Variants in TGFBR3 observed in about 807,000 individuals in gnomAD.
TGFBR3 encodes transforming growth factor beta receptor 3, also known as transforming growth factor beta receptor type 3.
In TGFBR3, 46 loss-of-function variants were observed where a neutral mutation model predicts 87.9. The ratio of observed to expected loss-of-function variants is 0.52; its 90% CI spans 0.41 to 0.67. The LOEUF (loss-of-function observed/expected upper bound fraction) is 0.67, where lower values mean the gene tolerates loss of function less well. Among genes scored for constraint, TGFBR3 ranks in the 30% least tolerant of loss-of-function variants. The pLI is 0.00. For synonymous variants in TGFBR3, 381 were observed against 391.6 expected, an observed-to-expected ratio of 0.97 and a Z score of 0.32; for missense variants, 866 against 1,041.9, an observed-to-expected ratio of 0.83 and a Z score of 2.32.
At chr1:91,764,606 G>T (rs1349216696) in intron 3 of TGFBR3, among the ~76,000 whole-genome samples, 1 of 152,130 alleles carries the variant, frequency 6.6e-6, no homozygotes, top group Non-Finnish European at 1.5e-5. Flanking sequence ...GCAAAGCGGA[G>T]ACCCTGATGT....
At chr1:91,895,213 C>T (rs201784949) in intron 2 of TGFBR3, among the ~76,000 whole-genome samples, 2 of 152,274 alleles carry the variant, frequency 1.3e-5, no homozygotes, top group East Asian at 3.9e-4. Context: ...GCGAATTTCT[C>T]ATGAATGGTT....
intron 3 of TGFBR3, among the ~76,000 whole-genome samples, chr1:91,774,811 T>G (rs866998557): frequency 1.3e-5 from 2 of 152,152 alleles, no homozygotes; most frequent in African/African-American, 4.8e-5. Flanking sequence ...TTCCAAGTAC[T>G]TCACTGGCTA....
At chr1:91,850,080 C>CAAAAAAAA (rs376631972) in intron 2 of TGFBR3, among the ~76,000 whole-genome samples, 4 of 52,146 alleles carry the variant, frequency 7.7e-5, no homozygotes, top group Non-Finnish European at 7.9e-5. Flanking sequence ...GACTCCATCT[C>CAAAAAAAA]AAAAAAAAAA....
At chr1:91,900,597 A>G (rs1241697813) in intron 1 of TGFBR3, among the ~76,000 whole-genome samples, 5 of 152,364 alleles carry the variant, frequency 3.3e-5, no homozygotes, top group African/African-American at 1.2e-4. Flanking sequence ...AAAGTATCAC[A>G]TACAAGAAAC....
intron 2 of TGFBR3, among the ~76,000 whole-genome samples, chr1:91,826,780 G>A (rs1025283183): frequency 8.1e-5 from 12 of 148,030 alleles, no homozygotes; most frequent in Non-Finnish European, 1.8e-4. Context: ...GCCACCTGAT[G>A]CCTGTCTCCC....
chr1:91,702,214 C>G (rs1671643912), intron 14 of TGFBR3, among the ~76,000 whole-genome samples: 1 of 152,082 alleles, frequency 6.6e-6, no homozygotes, highest in African/African-American at 2.4e-5. Flanking sequence ...GCTGTAAAGG[C>G]CTTAAAGACA....
chr1:91,893,210 A>G (rs1427088475), intron 2 of TGFBR3, among the ~76,000 whole-genome samples: 1 of 152,208 alleles, frequency 6.6e-6, no homozygotes, highest in African/African-American at 2.4e-5. Context: ...CATATTTGTC[A>G]TAAAATTACC....
At chr1:91,827,346 T>C (rs747434072) in intron 2 of TGFBR3, among the ~76,000 whole-genome samples, 1 of 152,156 alleles carries the variant, frequency 6.6e-6, no homozygotes, top group Non-Finnish European at 1.5e-5. Context: ...CAGTTAAACA[T>C]AAAAGGGGTC....
intron 3 of TGFBR3, among the ~76,000 whole-genome samples, chr1:91,786,746 G>A (rs905501846): frequency 2.0e-5 from 3 of 147,786 alleles, no homozygotes; most frequent in African/African-American, 7.7e-5. Flanking sequence ...GCAAGACTGT[G>A]TCTCCAAAAA....
chr1:91,875,897 T>C (rs181856502), intron 1 of TGFBR3, among the ~76,000 whole-genome samples: 227 of 91,396 alleles, frequency 2.5e-3, no homozygotes, highest in African/African-American at 9.9e-3. Context: ...GGCAACAGAG[T>C]GAGACTCCGT....
rs375543343 is a variant in TGFBR3, at chr1:91,720,031, C to T, written c.1275G>A (p.Lys425=). The T allele has an allele frequency of 6.2e-7, 1 of 1,614,204 alleles. No individual in the cohort carries two copies. The highest frequency in any genetic ancestry group is 8.5e-7 in the Non-Finnish European group (1 of 1,180,034). Residue 425 remains lysine, a synonymous_variant, in exon 9 of 17, where the codon AAG becomes AAA. Transcript: ENST00000212355. ...GTTGTATGCTGGGAATGACAGGGTCCTTTGGCCGAGGGAGCCCATCTTCTC... is the reference window on the plus strand; with the variant it reads ...GTTGTATGCTGGGAATGACAGGGTCTTTTGGCCGAGGGAGCCCATCTTCTC... ...EEGEDGLPRP[K]DPVIPSIQLF... is the part of the protein sequence containing the mutation.
At chr1:91,890,067 C>T (rs1046540415), upstream of TGFBR3, among the ~76,000 whole-genome samples, 1 of 152,168 alleles carries the variant, frequency 6.6e-6, no homozygotes, top group South Asian at 2.1e-4. Flanking sequence ...GTATTTGTTA[C>T]TGTAAGATAC....
At chr1:91,795,299 AAG>A (rs1260985850) in intron 3 of TGFBR3, among the ~76,000 whole-genome samples, 3 of 152,212 alleles carry the variant, frequency 2.0e-5, no homozygotes, top group African/African-American at 7.2e-5. Flanking sequence ...CTAATATCGA[AAG>A]AGAATAATGT....
At chr1:91,769,389 C>T (rs1674296376) in intron 3 of TGFBR3, among the ~76,000 whole-genome samples, 2 of 152,094 alleles carry the variant, frequency 1.3e-5, no homozygotes, top group Non-Finnish European at 2.9e-5. Context: ...TCCTTGGACT[C>T]GGCCCACATT....
chr1:91,843,233 C>G (rs1677356501), intron 2 of TGFBR3, among the ~76,000 whole-genome samples: 1 of 152,110 alleles, frequency 6.6e-6, no homozygotes, highest in African/African-American at 2.4e-5. Flanking sequence ...AGATGGGGCA[C>G]GCTAACAGGT....
intron 1 of TGFBR3, among the ~76,000 whole-genome samples, chr1:91,873,001 T>C (rs1678641809): frequency 6.6e-6 from 1 of 152,068 alleles, no homozygotes; most frequent in African/African-American, 2.4e-5. Context: ...TTTCACTCTG[T>C]CACTCAGGCT....
At chr1:91,755,847 G>C (rs1309671676) in intron 4 of TGFBR3, among the ~76,000 whole-genome samples, 1 of 152,146 alleles carries the variant, frequency 6.6e-6, no homozygotes, top group Non-Finnish European at 1.5e-5. Flanking sequence ...ATAGCCCAGA[G>C]AAACAGAACC....
chr1:91,818,683 T>C (rs537825629), intron 2 of TGFBR3, among the ~76,000 whole-genome samples: 1 of 152,222 alleles, frequency 6.6e-6, no homozygotes, highest in Non-Finnish European at 1.5e-5. Flanking sequence ...CTTTTGTGTG[T>C]GTGTCTTGGA....
chr1:91,752,975 C>T (rs1373830607), intron 4 of TGFBR3, among the ~76,000 whole-genome samples: 4 of 148,810 alleles, frequency 2.7e-5, no homozygotes, highest in Non-Finnish European at 5.9e-5. Flanking sequence ...TACAGTGAGC[C>T]GAGATCATGC....
Sources: allele counts gnomAD v4.1 joint callset (sites outside exome capture counted in the v4.1 genomes callset), GRCh38; gene constraint gnomAD v4.1.1; transcripts MANE v1.5; gene names NCBI Gene and HGNC (gene_info 2026-07-23, HGNC 2026-07-21).